The following PCED1B variants were observed in gnomAD, a reference collection of about 807,000 sequenced individuals.
PCED1B encodes the protein PC-esterase domain-containing protein 1B.
For synonymous variants in PCED1B, 251 were observed against 246.1 expected, an observed-to-expected ratio of 1.02 and a Z score of -0.19; for missense variants, 573 against 573.9, an observed-to-expected ratio of 1.00 and a Z score of 0.02.
chr12:47,223,077 T>C (rs1943533100), intron 3 of PCED1B, among the ~76,000 whole-genome samples: 1 of 151,550 alleles, frequency 6.6e-6, no homozygotes, highest in Non-Finnish European at 1.5e-5. Context: ...CAGTGGGCCT[T>C]GAGAAAGACC....
intron 1 of PCED1B, among the ~76,000 whole-genome samples, chr12:47,088,195 T>G (rs947021069): frequency 6.6e-6 from 1 of 152,232 alleles, no homozygotes; most frequent in African/African-American, 2.4e-5. Flanking sequence ...GTGCCTTGGA[T>G]GTGGTCTGAC....
At position 47,235,107 on chromosome 12, in the gene PCED1B, A is replaced by G; in HGVS notation, c.44A>G (p.Asn15Ser). 4 of 1,530,286 alleles carry G rather than the reference A, an allele frequency of 2.6e-6. No homozygotes were observed. The highest frequency in any genetic ancestry group is 2.3e-5 in the East Asian group (1 of 44,154). The allele number at this position is 1,530,286 out of a possible 1,614,324, so 94.8% of individuals were successfully genotyped here. A position where few individuals can be genotyped will look rare whatever the true frequency, so the allele number is the denominator to read the frequency against. The change falls in exon 4 of 4, where the codon AAT becomes AGT. Residue 15 changes from asparagine (N) to serine (S), a missense_variant. Coordinates refer to ENST00000546455, the MANE Select transcript of PCED1B (RefSeq NM_138371.3). ...RASEVRQLLH[N>S]KFVVILGDSV... ...TCCGAAGTGCGGCAGCTGCTTCACA[A>G]TAAGTTCGTGGTCATCCTGGGGGAC...
chr12:47,155,115 G>C (rs757854738), intron 2 of PCED1B, among the ~76,000 whole-genome samples: 13 of 152,170 alleles, frequency 8.5e-5, no homozygotes, highest in Admixed American at 2.6e-4. Flanking sequence ...AGTTCGGAAA[G>C]ATGAGATGAG....
At chr12:47,181,069 C>T (rs749865314) in intron 2 of PCED1B, among the ~76,000 whole-genome samples, 13 of 151,848 alleles carry the variant, frequency 8.6e-5, no homozygotes, top group Non-Finnish European at 1.5e-4. Flanking sequence ...ACTACAGCCT[C>T]AACCTCCCGG....
intron 2 of PCED1B, among the ~76,000 whole-genome samples, chr12:47,130,015 C>A (rs1003312999): frequency 1.3e-5 from 2 of 152,172 alleles, no homozygotes; most frequent in Non-Finnish European, 2.9e-5. Flanking sequence ...TCCTTGTTCC[C>A]TTTTCATCTA....
intron 2 of PCED1B, among the ~76,000 whole-genome samples, chr12:47,157,755 T>G (rs1454765165): frequency 6.6e-6 from 1 of 152,196 alleles, no homozygotes; most frequent in African/African-American, 2.4e-5. Flanking sequence ...GTAACTATTT[T>G]AATCTTGTAA....
At chr12:47,217,070 CTTTTAGCCTTAAT>C (rs1417312192) in intron 3 of PCED1B, among the ~76,000 whole-genome samples, 1 of 152,028 alleles carries the variant, frequency 6.6e-6, no homozygotes, top group African/African-American at 2.4e-5. Flanking sequence ...ATTACTCAAT[CTTTTAGCCTTAAT>C]TTTTAAAAGT....
chr12:47,137,561 T>C (rs1940425340), intron 2 of PCED1B, among the ~76,000 whole-genome samples: 1 of 151,926 alleles, frequency 6.6e-6, no homozygotes, highest in Non-Finnish European at 1.5e-5. Context: ...AAACCCCATC[T>C]CTACGACAAA....
intron 2 of PCED1B, among the ~76,000 whole-genome samples, chr12:47,143,403 G>A (rs1230698586): frequency 4.6e-5 from 7 of 151,988 alleles, no homozygotes; most frequent in East Asian, 1.9e-4. Context: ...AAACTCAGCT[G>A]TGTTACTATA....
rs1555157076 is a variant in PCED1B at position 47,227,150 on chromosome 12, G to GTTTGTTTGT, written c.-57-7850_-57-7849insGTTTTGTTT. On this transcript the variant is annotated intron_variant, in intron 3 of 3. Transcript: ENST00000546455. Reference sequence around the variant, plus strand: ...TTCAGGTTTTTCTGTTTGTTTGTTTGTTTGTTTTGTTTTGTTTTTGTTTTT... The same window carrying GTTTGTTTGT: ...TTCAGGTTTTTCTGTTTGTTTGTTTGTTTGTTTGTTTTGTTTTGTTTTGTTTTTGTTTTT... 1.3e-4 allele frequency among the ~76,000 whole-genome samples: 19 copies of GTTTGTTTGT among 151,962 alleles called. No individual in the cohort carries two copies. In the East Asian group the frequency reaches 2.1e-3, roughly 17 times the overall value.
intron 2 of PCED1B, among the ~76,000 whole-genome samples, chr12:47,191,584 G>T (rs1022451388): frequency 2.0e-5 from 3 of 152,086 alleles, no homozygotes; most frequent in African/African-American, 7.2e-5. Flanking sequence ...AAGAAATACC[G>T]CAGGCCTGCC....
intron 3 of PCED1B, among the ~76,000 whole-genome samples, 199 bp downstream of exon 3, chr12:47,216,888 G>A (rs947525758): frequency 6.6e-6 from 1 of 152,120 alleles, no homozygotes; most frequent in African/African-American, 2.4e-5. Flanking sequence ...TGATAAACTT[G>A]TAAATTTATT....
At chr12:47,148,881 A>G (rs1414061514) in intron 2 of PCED1B, among the ~76,000 whole-genome samples, 1 of 152,078 alleles carries the variant, frequency 6.6e-6, no homozygotes, top group Non-Finnish European at 1.5e-5. Context: ...AACATTTGTC[A>G]CTCTTAAAAA....
intron 2 of PCED1B, among the ~76,000 whole-genome samples, chr12:47,141,202 A>C (rs934267500): frequency 6.6e-6 from 1 of 152,160 alleles, no homozygotes; most frequent in Non-Finnish European, 1.5e-5. Flanking sequence ...AAGTGATGGA[A>C]TAGGAGGTCC....
intron 2 of PCED1B, among the ~76,000 whole-genome samples, chr12:47,158,104 T>C (rs551475368): frequency 1.7e-4 from 26 of 152,256 alleles, no homozygotes; most frequent in South Asian, 6.2e-4. Context: ...TTATGAATTA[T>C]GCTGCTATGA....
intron 2 of PCED1B, among the ~76,000 whole-genome samples, chr12:47,121,364 C>A (rs1251985360): frequency 6.6e-6 from 1 of 152,152 alleles, no homozygotes; most frequent in Admixed American, 6.5e-5. Flanking sequence ...AGGAGAGAAT[C>A]TGCTCTGAAA....
At chr12:47,207,340 A>T (rs1271595258) in intron 2 of PCED1B, among the ~76,000 whole-genome samples, 1 of 152,260 alleles carries the variant, frequency 6.6e-6, no homozygotes, top group Non-Finnish European at 1.5e-5. Flanking sequence ...AGCTGGGCTC[A>T]TCTGGTAGCA....
chr12:47,184,955 T>C (rs764983635), intron 2 of PCED1B, among the ~76,000 whole-genome samples: 4 of 152,140 alleles, frequency 2.6e-5, no homozygotes, highest in Admixed American at 6.6e-5. Flanking sequence ...GGTCTAGAGG[T>C]GAGTGGTTGC....
At chr12:47,091,520 G>C (rs1938265986) in intron 1 of PCED1B, among the ~76,000 whole-genome samples, 1 of 151,876 alleles carries the variant, frequency 6.6e-6, no homozygotes, top group Non-Finnish European at 1.5e-5. Context: ...ACTCAATTTG[G>C]GGGAACAGAA....
Sources: gnomAD v4.1 joint callset for allele counts (sites outside exome capture counted in the v4.1 genomes callset) on GRCh38, gnomAD v4.1.1 for gene constraint, MANE v1.5 for transcripts, NCBI Gene and HGNC (gene_info 2026-07-23, HGNC 2026-07-21) for gene names.